Variants in CDK8 observed in about 807,000 individuals in gnomAD.
The protein encoded by CDK8 is cyclin dependent kinase 8, also known as cyclin-dependent kinase 8.
In CDK8, 29 loss-of-function variants were observed where a neutral mutation model predicts 71.5. That is an observed-to-expected ratio of 0.41 (90% CI 0.30 to 0.55). The LOEUF (loss-of-function observed/expected upper bound fraction) is 0.55, where lower values mean the gene tolerates loss of function less well. Ranked by LOEUF, CDK8 falls within the 20% of genes least tolerant of loss-of-function variation. The pLI, the probability that CDK8 is intolerant of heterozygous loss-of-function variation, is 0.37. For synonymous variants in CDK8, 161 were observed against 192.1 expected (o/e 0.84, Z 1.34); for missense variants, 288 against 572.6 (o/e 0.50, Z 5.07).
At chr13:26,342,335 G>A (rs559959302) in intron 2 of CDK8, among the ~76,000 whole-genome samples, 40 of 152,216 alleles carry the variant, frequency 2.6e-4, no homozygotes, top group Admixed American at 4.6e-4. Flanking sequence ...AGTTCTTTTC[G>A]TCACCAAGGA....
At chr13:26,378,886 C>T (rs966690512) in intron 4 of CDK8, among the ~76,000 whole-genome samples, 20 of 152,004 alleles carry the variant, frequency 1.3e-4, no homozygotes, top group Admixed American at 3.3e-4. Flanking sequence ...GTTTTTTGGG[C>T]GAGTAGAATA....
At chr13:26,268,201 T>C (rs968887410) in intron 1 of CDK8, among the ~76,000 whole-genome samples, 6 of 151,020 alleles carry the variant, frequency 4.0e-5, no homozygotes, top group African/African-American at 1.5e-4. Context: ...TTAAATACAT[T>C]GTAAAGTCAG....
At chr13:26,347,431 T>C (rs1451291651) in intron 2 of CDK8, among the ~76,000 whole-genome samples, 1 of 152,188 alleles carries the variant, frequency 6.6e-6, no homozygotes, top group African/African-American at 2.4e-5. Context: ...TGATATTTTC[T>C]AAAAAGGATT....
At chr13:26,295,035 C>T (rs547255404) in intron 1 of CDK8, among the ~76,000 whole-genome samples, 2 of 152,248 alleles carry the variant, frequency 1.3e-5, no homozygotes, top group African/African-American at 2.4e-5. Flanking sequence ...TGTGAACTAC[C>T]GCACCCAGCC....
rs1480308705 is a variant in CDK8, at chr13:26,401,287, A to T, written c.1050A>T (p.Gln350His). The T allele has an allele frequency of 6.2e-7, 1 of 1,614,058 alleles. No homozygotes were observed. Among genetic ancestry groups the T allele is most frequent in the East Asian group, 2.2e-5 (1 of 44,886 alleles). The change falls in exon 11 of 13, where the codon CAA becomes CAT. Residue 350 changes from glutamine to histidine, a missense_variant. Transcript: ENST00000381527. This position sits in a 1 kb window ranked among gnomAD's most constrained non-coding sequence, Gnocchi z 4.5. ...TGATCAGCGTTTTTGCCGGTTGTCA[A>T]ATCCCTTACCCAAAACGAGAATTTT... ...LPTSDVFAGC[Q>H]IPYPKREFLT... is the part of the protein sequence containing the mutation.
chr13:26,284,423 A>C (rs565350109), intron 1 of CDK8, among the ~76,000 whole-genome samples: 2 of 152,228 alleles, frequency 1.3e-5, no homozygotes, highest in Non-Finnish European at 2.9e-5. Context: ...AGAGATGTAA[A>C]TAAGCTCAAT....
At chr13:26,358,168 G>A (rs1354347613) in intron 4 of CDK8, among the ~76,000 whole-genome samples, 2 of 151,994 alleles carry the variant, frequency 1.3e-5, no homozygotes, top group East Asian at 1.9e-4. Flanking sequence ...GCATGGTGGC[G>A]GGTGCCTGTA....
rs574653239 is a variant in CDK8, at chr13:26,389,581, T to G, written c.647-3786T>G. On this transcript the variant is annotated intron_variant, in intron 6 of 12. Transcript: ENST00000381527. Reference sequence around the variant, plus strand: ...AGTGCCATTTTCTCAGCAGTGGTGATTCCAACCCACACCGTCGTCTGGTGT... The same window carrying G: ...AGTGCCATTTTCTCAGCAGTGGTGAGTCCAACCCACACCGTCGTCTGGTGT... 1.2e-4 allele frequency among the ~76,000 whole-genome samples: 18 copies of G among 152,296 alleles called. No individual in the cohort carries two copies. The East Asian group carries it at 3.3e-3, about 28-fold the overall frequency.
intron 4 of CDK8, among the ~76,000 whole-genome samples, chr13:26,369,603 A>G (rs1252939672): frequency 7.7e-5 from 10 of 130,692 alleles, no homozygotes; most frequent in East Asian, 2.3e-4. Context: ...ATCTCCGCTC[A>G]CTGCAAGCTC....
At chr13:26,295,380 C>T (rs1348298178) in intron 1 of CDK8, among the ~76,000 whole-genome samples, 1 of 152,092 alleles carries the variant, frequency 6.6e-6, no homozygotes, top group Non-Finnish European at 1.5e-5. Context: ...AGTCTCCTGC[C>T]TTTACAGAAT....
At chr13:26,273,950 A>G (rs1257785527) in intron 1 of CDK8, among the ~76,000 whole-genome samples, 3 of 152,196 alleles carry the variant, frequency 2.0e-5, no homozygotes, top group Admixed American at 6.5e-5. Flanking sequence ...TAGACTGTGT[A>G]TATTCCATGT....
rs370472221 is a variant in CDK8, at chr13:26,349,088, A to G, written c.221A>G (p.Lys74Arg). 21 of 1,609,500 alleles carry G rather than the reference A, an allele frequency of 1.3e-5. No individual in the cohort carries two copies. Among genetic ancestry groups the G allele is most frequent in the Admixed American group, 1.7e-5 (1 of 59,872 alleles). ...CREIALLREL[K>R]HPNVISLQKV... ...GTTTTGCAGTTACTTCGAGAGCTTAAGCATCCAAACGTCATTTCTCTTCAA... is the reference window on the plus strand; with the variant it reads ...GTTTTGCAGTTACTTCGAGAGCTTAGGCATCCAAACGTCATTTCTCTTCAA... The change falls in exon 3 of 13, where the codon AAG becomes AGG. Residue 74 changes from lysine to arginine, a missense_variant. By Grantham distance (26) the Lys-to-Arg change is conservative. Transcript: ENST00000381527.
chr13:26,339,754 AAAAT>A (rs1336984642), intron 2 of CDK8, among the ~76,000 whole-genome samples: 2 of 129,350 alleles, frequency 1.5e-5, no homozygotes, highest in African/African-American at 5.8e-5. Context: ...ACTTAAAAAA[AAAAT>A]ATATATATAT....
Position 26,401,862 on chromosome 13 carries a change from C to T in CDK8, c.1269+238C>T, listed in dbSNP as rs1175811481. Among the ~76,000 whole-genome samples the T allele has an allele frequency of 3.3e-5, 5 of 152,170 alleles. No individual in the cohort carries two copies. Among genetic ancestry groups the T allele is most frequent in the African/African-American group, 7.2e-5 (3 of 41,432 alleles). ...TTATGCCATTTATTAACTGTGTGAC[C>T]TTGGACAAGTAGGATAATATCTCCT... is the stretch of plus-strand genomic sequence containing the variant. On this transcript the variant is annotated intron_variant, in intron 12 of 12. Coordinates refer to ENST00000381527, the MANE Select transcript of CDK8 (RefSeq NM_001260.3). This position sits in a 1 kb window ranked among gnomAD's most constrained non-coding sequence, Gnocchi z 4.5.
chr13:26,338,988 A>AT (rs965719547), intron 2 of CDK8, among the ~76,000 whole-genome samples: 6 of 151,402 alleles, frequency 4.0e-5, no homozygotes, highest in South Asian at 4.2e-4. Flanking sequence ...ATTAGAAAAA[A>AT]ACTCAGTTCA....
chr13:26,372,927 C>A (rs9507702), intron 4 of CDK8, among the ~76,000 whole-genome samples: 7,296 of 152,208 alleles, frequency 0.048, 246 homozygotes, highest in South Asian at 0.07. Context: ...TGCCTGGCCC[C>A]CACTTGTCTT....
At chr13:26,382,573 G>C (rs1302381638) in intron 4 of CDK8, among the ~76,000 whole-genome samples, 1 of 152,194 alleles carries the variant, frequency 6.6e-6, no homozygotes, top group African/African-American at 2.4e-5. Flanking sequence ...ACTGATAAGA[G>C]GGCCAAGAAA....
intron 1 of CDK8, among the ~76,000 whole-genome samples, chr13:26,271,806 C>CT (rs58160694): frequency 0.022 from 1,405 of 62,552 alleles, 296 homozygotes; most frequent in Non-Finnish European, 0.026. Context: ...GAGACCCTGT[C>CT]TTTTTTTTTT....
At chr13:26,318,317 AAG>A (rs1479399270) in intron 1 of CDK8, among the ~76,000 whole-genome samples, 16 of 152,248 alleles carry the variant, frequency 1.1e-4, no homozygotes, top group African/African-American at 3.4e-4. Flanking sequence ...TTAAAAAAAA[AAG>A]ACCAGGACCT....
Sources: gnomAD v4.1 joint callset for allele counts (sites outside exome capture counted in the v4.1 genomes callset) on GRCh38, gnomAD v4.1.1 for gene constraint, Gnocchi (gnomAD v3.1) non-coding constraint, MANE v1.5 for transcripts, NCBI Gene and HGNC (gene_info 2026-07-23, HGNC 2026-07-21) for gene names.